DIAPH2: variants seen among roughly 807,000 people sequenced by gnomAD.
DIAPH2 encodes the protein diaphanous related formin 2.
DIAPH2 carries 35 observed loss-of-function variants against 92.7 expected under a neutral mutation model. The ratio of observed to expected loss-of-function variants is 0.38; its 90% CI spans 0.29 to 0.50. DIAPH2 has a LOEUF of 0.50. Ranked by LOEUF, DIAPH2 falls within the 20% of genes least tolerant of loss-of-function variation. The probability of loss-of-function intolerance (pLI) is 0.94; values close to 1 mark genes in which losing one functional copy is unlikely to be tolerated. For synonymous variants in DIAPH2, 301 were observed against 280.4 expected (o/e 1.07, Z -0.73); for missense variants, 701 against 819.5 (o/e 0.86, Z 1.77).
At chrX:97,171,812 C>T (rs1290519885) in intron 22 of DIAPH2, among the ~76,000 whole-genome samples, 1 of 110,085 alleles carries the variant, frequency 9.1e-6, no homozygotes, top group Non-Finnish European at 1.9e-5. Context: ...TTGGGGCGGG[C>T]GCCTGTAGTC....
intron 22 of DIAPH2, among the ~76,000 whole-genome samples, chrX:97,229,089 C>T (rs1004278101): frequency 4.5e-5 from 5 of 111,446 alleles, no homozygotes; most frequent in East Asian, 5.6e-4. Context: ...TTCACCATGG[C>T]GATTGTGACT....
chrX:97,514,568 T>TGGA (rs1268139314), intron 26 of DIAPH2, among the ~76,000 whole-genome samples: 2 of 111,951 alleles, frequency 1.8e-5, no homozygotes, highest in Non-Finnish European at 3.8e-5. Flanking sequence ...TGCGTTCCTT[T>TGGA]GGAGGAGGAG....
chrX:97,330,672 C>G (rs2068993776), intron 23 of DIAPH2, among the ~76,000 whole-genome samples: 1 of 110,031 alleles, frequency 9.1e-6, no homozygotes, highest in Non-Finnish European at 1.9e-5. Context: ...GCCACCACGC[C>G]CAGCTAACTT....
intron 22 of DIAPH2, among the ~76,000 whole-genome samples, chrX:97,174,696 A>C (rs1056563563): frequency 1.8e-5 from 2 of 112,134 alleles, no homozygotes; most frequent in African/African-American, 6.5e-5. Context: ...TTAGATTTCT[A>C]CTGGTGTGTG....
intron 1 of DIAPH2, among the ~76,000 whole-genome samples, chrX:96,700,751 G>C (rs770363895): frequency 5.4e-5 from 6 of 111,870 alleles, no homozygotes; most frequent in Non-Finnish European, 1.1e-4. Context: ...TTCAAGCTAA[G>C]GTTTACTTGC....
intron 23 of DIAPH2, among the ~76,000 whole-genome samples, chrX:97,276,421 C>T (rs750586077): frequency 2.3e-4 from 26 of 111,207 alleles, no homozygotes; most frequent in African/African-American, 7.8e-4. Flanking sequence ...GCTAAGTCAC[C>T]GCAGTGAGTT....
intron 26 of DIAPH2, among the ~76,000 whole-genome samples, chrX:97,445,699 C>T (rs1487349751): frequency 1.8e-5 from 2 of 109,391 alleles, no homozygotes; most frequent in African/African-American, 3.3e-5. Flanking sequence ...CTGCCCGCCT[C>T]GGCCTCCCAA....
intron 19 of DIAPH2, among the ~76,000 whole-genome samples, chrX:97,084,139 A>G (rs1182256455): frequency 7.2e-5 from 8 of 110,886 alleles, no homozygotes; most frequent in Admixed American, 5.8e-4. Flanking sequence ...AGATAAATCA[A>G]ATAATATCAT....
chrX:97,061,365 A>C (rs1250080912), intron 17 of DIAPH2, among the ~76,000 whole-genome samples: 3 of 112,151 alleles, frequency 2.7e-5, no homozygotes, highest in Non-Finnish European at 5.6e-5. Context: ...GACTTTTATT[A>C]GATTGAATTT....
intron 22 of DIAPH2, among the ~76,000 whole-genome samples, chrX:97,176,099 C>A (rs2067489535): frequency 8.9e-6 from 1 of 111,896 alleles, no homozygotes; most frequent in Non-Finnish European, 1.9e-5. Flanking sequence ...AGTTGGGAAT[C>A]TCTGGATTAG....
At chrX:97,281,706 T>C (rs1385707861) in intron 23 of DIAPH2, among the ~76,000 whole-genome samples, 1 of 105,693 alleles carries the variant, frequency 9.5e-6, no homozygotes, top group Non-Finnish European at 1.9e-5. Context: ...ACCGCACCAC[T>C]GCACTCCAGC....
chrX:97,451,034 G>C (rs1027676638), intron 26 of DIAPH2, among the ~76,000 whole-genome samples: 1 of 110,680 alleles, frequency 9.0e-6, no homozygotes, highest in African/African-American at 3.3e-5. Context: ...ATACTGATAG[G>C]ATCTTTTCCA....
At chrX:97,366,806 T>G (rs1342163643) in intron 24 of DIAPH2, among the ~76,000 whole-genome samples, 1 of 111,876 alleles carries the variant, frequency 8.9e-6, no homozygotes, top group Non-Finnish European at 1.9e-5. Flanking sequence ...AAAAGTGTAA[T>G]AATTCTAAGT....
At chrX:96,825,248 GC>G (rs1446177725) in intron 4 of DIAPH2, among the ~76,000 whole-genome samples, 5 of 108,657 alleles carry the variant, frequency 4.6e-5, no homozygotes, top group Admixed American at 9.9e-5. Flanking sequence ...GAGCCACCAT[GC>G]CTGGCCGTAT....
chrX:97,225,996 T>G (rs757150092), intron 22 of DIAPH2, among the ~76,000 whole-genome samples: 6 of 111,750 alleles, frequency 5.4e-5, no homozygotes, highest in Non-Finnish European at 1.1e-4. Flanking sequence ...GGAACTTACA[T>G]GCTTATTGAA....
At chrX:97,008,077 A>G (rs1414729810) in intron 17 of DIAPH2, among the ~76,000 whole-genome samples, 1 of 99,823 alleles carries the variant, frequency 1.0e-5, no homozygotes, top group Non-Finnish European at 2.0e-5. Flanking sequence ...GCTGTTTTCT[A>G]TATCTAGTAG....
At position 97,233,486 on chromosome X, in the gene DIAPH2, G is replaced by A. The variant is rs2068024350; in HGVS notation, c.2720-14229G>A. On this transcript the variant is annotated intron_variant, in intron 22 of 26. Coordinates refer to ENST00000324765, the MANE Select transcript of DIAPH2 (RefSeq NM_006729.5). The stretch of plus-strand genomic sequence containing the variant: ...TTGTGTGTCTGTTTATACAACACTG[G>A]GATTTGTAACTTGGCAACTTCCTGG... 5.4e-5 allele frequency among the ~76,000 whole-genome samples: 6 copies of A among 112,053 alleles called. No homozygotes were observed. The Admixed American group carries it at 5.7e-4, about 11-fold the overall frequency.
At chrX:97,222,330 G>T (rs1602428174) in intron 22 of DIAPH2, among the ~76,000 whole-genome samples, 1 of 111,198 alleles carries the variant, frequency 9.0e-6, no homozygotes, top group Admixed American at 9.5e-5. Context: ...TCAGCCTCCC[G>T]AGTAGCTGGG....
chrX:97,007,650 G>A (rs1408474971), intron 17 of DIAPH2, among the ~76,000 whole-genome samples: 7 of 108,706 alleles, frequency 6.4e-5, no homozygotes, highest in Non-Finnish European at 9.6e-5. Flanking sequence ...ATCTTATTTG[G>A]GTTAAATCTA....
Sources: allele counts gnomAD v4.1 joint callset (sites outside exome capture counted in the v4.1 genomes callset), GRCh38; gene constraint gnomAD v4.1.1; transcripts MANE v1.5; gene names NCBI Gene and HGNC (gene_info 2026-07-23, HGNC 2026-07-21).